ZNF385B: variants seen among roughly 807,000 people sequenced by gnomAD.
ZNF385B encodes the protein zinc finger protein 385B, also known as zinc finger protein 533.
A neutral mutation model predicts 39.2 loss-of-function variants in ZNF385B; 23 were observed. The observed-to-expected ratio is 0.59, with a 90% CI of 0.42 to 0.83. The LOEUF is 0.83. Ranked by LOEUF, ZNF385B falls within the 40% of genes least tolerant of loss-of-function variation. ZNF385B has a pLI of 0.00. For missense variants in ZNF385B, 552 were observed against 598.9 expected, an observed-to-expected ratio of 0.92 and a Z score of 0.82; for synonymous variants, 205 against 222.6, an observed-to-expected ratio of 0.92 and a Z score of 0.70.
intron 4 of ZNF385B, among the ~76,000 whole-genome samples, chr2:179,538,678 C>T (rs1328396518): frequency 6.6e-6 from 1 of 152,194 alleles, no homozygotes; most frequent in African/African-American, 2.4e-5. Context: ...TTGAAATCAT[C>T]TTTATCCTGT....
At chr2:179,476,294 A>C (rs944583428) in intron 6 of ZNF385B, among the ~76,000 whole-genome samples, 36 of 152,226 alleles carry the variant, frequency 2.4e-4, no homozygotes, top group African/African-American at 8.2e-4. Context: ...TTATATTCCA[A>C]TATCTTTTTA....
intron 5 of ZNF385B, among the ~76,000 whole-genome samples, chr2:179,503,955 C>T (rs1220596783): frequency 7.4e-5 from 11 of 149,050 alleles, no homozygotes; most frequent in Non-Finnish European, 1.2e-4. Context: ...ATACATGTGC[C>T]ATGCTGGTGC....
At chr2:179,833,337 G>C (rs1474067439) in intron 1 of ZNF385B, among the ~76,000 whole-genome samples, 1 of 152,004 alleles carries the variant, frequency 6.6e-6, no homozygotes, top group Non-Finnish European at 1.5e-5. Context: ...ATAAGATGTG[G>C]TAGCTAGAAA....
intron 3 of ZNF385B, among the ~76,000 whole-genome samples, chr2:179,648,512 G>C (rs545707089): frequency 6.6e-6 from 1 of 152,178 alleles, no homozygotes; most frequent in South Asian, 2.1e-4. Context: ...ATATACGTTT[G>C]CTCCGAGCAC....
intron 3 of ZNF385B, among the ~76,000 whole-genome samples, chr2:179,580,852 G>A (rs1279168023): frequency 6.6e-6 from 1 of 152,110 alleles, no homozygotes; most frequent in African/African-American, 2.4e-5. Flanking sequence ...CAAAGAGCAG[G>A]GCCAACTGAA....
At chr2:179,774,561 G>A (rs970688786) in intron 1 of ZNF385B, among the ~76,000 whole-genome samples, 3 of 152,062 alleles carry the variant, frequency 2.0e-5, no homozygotes, top group African/African-American at 7.2e-5. Context: ...GGGTTTCAAC[G>A]TTGGCCAGGA....
At chr2:179,445,442 G>T in intron 8 of ZNF385B, 108 bp downstream of exon 8, 1 of 1,061,120 alleles carries the variant, frequency 9.4e-7, no homozygotes, top group Non-Finnish European at 1.4e-6. Flanking sequence ...TCCTACAAAA[G>T]TTAGTCAACT....
At chr2:179,708,582 T>C (rs1397150804) in intron 3 of ZNF385B, among the ~76,000 whole-genome samples, 1 of 152,156 alleles carries the variant, frequency 6.6e-6, no homozygotes, top group Non-Finnish European at 1.5e-5. Flanking sequence ...ACCAAAACCA[T>C]ATTTAGTATA....
chr2:179,560,777 C>T (rs2061282301), intron 3 of ZNF385B, among the ~76,000 whole-genome samples: 1 of 152,176 alleles, frequency 6.6e-6, no homozygotes, highest in African/African-American at 2.4e-5. Flanking sequence ...AACTAGAAAG[C>T]ACTCATAAAA....
chr2:179,751,084 G>C (rs1202028755), intron 3 of ZNF385B, among the ~76,000 whole-genome samples: 3 of 152,054 alleles, frequency 2.0e-5, no homozygotes, highest in South Asian at 4.1e-4. Context: ...TTCCAGACAT[G>C]GACAATATTA....
chr2:179,449,069 C>T (rs1282298237), intron 6 of ZNF385B, among the ~76,000 whole-genome samples: 2 of 151,840 alleles, frequency 1.3e-5, no homozygotes, highest in African/African-American at 4.8e-5. Flanking sequence ...TACATATTAA[C>T]AATATGTTAA....
chr2:179,473,538 T>C (rs2053052054), intron 6 of ZNF385B, among the ~76,000 whole-genome samples: 1 of 152,120 alleles, frequency 6.6e-6, no homozygotes, highest in Admixed American at 6.5e-5. Flanking sequence ...TGAAAAAAAA[T>C]TATGCTTTAA....
At chr2:179,583,959 A>T in intron 3 of ZNF385B, 1 of 1,303,742 alleles carries the variant, frequency 7.7e-7, no homozygotes. Flanking sequence ...CACTCAGTTC[A>T]TACATTCATA....
At chr2:179,576,968 G>A (rs1202086125) in intron 3 of ZNF385B, among the ~76,000 whole-genome samples, 1 of 152,158 alleles carries the variant, frequency 6.6e-6, no homozygotes, top group Non-Finnish European at 1.5e-5. Context: ...CCTTTTGCTA[G>A]AGAAAGTTTG....
chr2:179,593,496 T>G (rs968419372), intron 3 of ZNF385B, among the ~76,000 whole-genome samples: 2 of 152,198 alleles, frequency 1.3e-5, no homozygotes, highest in African/African-American at 4.8e-5. Flanking sequence ...TCCTCTCATT[T>G]ATTATACATG....
intron 6 of ZNF385B, among the ~76,000 whole-genome samples, chr2:179,448,107 T>G (rs924082164): frequency 1.3e-5 from 2 of 152,060 alleles, no homozygotes; most frequent in African/African-American, 4.8e-5. Flanking sequence ...ATTCTTAGGT[T>G]GCACATTCCA....
chr2:179,493,577 G>A (rs1313184143), intron 5 of ZNF385B, among the ~76,000 whole-genome samples: 1 of 123,766 alleles, frequency 8.1e-6, no homozygotes, highest in Non-Finnish European at 1.8e-5. Context: ...GTATACATAT[G>A]TGTATGTGTA....
At chr2:179,827,521 ATAAT>A (rs1245504605) in intron 1 of ZNF385B, among the ~76,000 whole-genome samples, 3 of 152,188 alleles carry the variant, frequency 2.0e-5, no homozygotes, top group Non-Finnish European at 4.4e-5. Context: ...GTAAATATAA[ATAAT>A]TATTTATTTG....
At chr2:179,679,493 G>A (rs948213844) in intron 3 of ZNF385B, among the ~76,000 whole-genome samples, 5 of 152,154 alleles carry the variant, frequency 3.3e-5, no homozygotes, top group African/African-American at 1.2e-4. Context: ...ACTGACCCTG[G>A]CTTACAGATG....
Sources: allele counts gnomAD v4.1 joint callset (sites outside exome capture counted in the v4.1 genomes callset), GRCh38; gene constraint gnomAD v4.1.1; transcripts MANE v1.5; gene names NCBI Gene and HGNC (gene_info 2026-07-23, HGNC 2026-07-21).